The following TARP variants were observed in gnomAD, a reference collection of about 807,000 sequenced individuals.
chr7:38,262,286 A>G, the TARP span: 2 of 1,234,724 alleles, frequency 1.6e-6, no homozygotes, highest in Admixed American at 3.7e-5. Context: ...GAATATTTAT[A>G]AAACCTGTCG....
chr7:38,273,475 G>A, the TARP span: 5 of 900,600 alleles, frequency 5.6e-6, no homozygotes, highest in Non-Finnish European at 7.0e-6. Flanking sequence ...TGACCTCTCT[G>A]GAGATTTCAC....
chr7:38,264,278 C>T, the TARP span, among the ~76,000 whole-genome samples: 6 of 151,660 alleles, frequency 4.0e-5, no homozygotes, highest in African/African-American at 7.3e-5. Flanking sequence ...ACGTAGCTGC[C>T]TTGGGAAGCT....
At chr7:38,272,376 G>C in the TARP span, among the ~76,000 whole-genome samples, 1 of 147,908 alleles carries the variant, frequency 6.8e-6, no homozygotes, top group African/African-American at 2.5e-5. Flanking sequence ...TATCTTCTTT[G>C]TACAGATCAA....
At chr7:38,262,796 A>G in the TARP span, among the ~76,000 whole-genome samples, 1 of 151,260 alleles carries the variant, frequency 6.6e-6, no homozygotes, top group Non-Finnish European at 1.5e-5. Context: ...CTGGGAGTAC[A>G]GGCACATGTC....
the TARP span, among the ~76,000 whole-genome samples, chr7:38,262,722 C>T: frequency 4.6e-5 from 7 of 151,278 alleles, no homozygotes; most frequent in Admixed American, 3.3e-4. Context: ...GGTGTCATCA[C>T]GGCTCACTGA....
chr7:38,267,097 G>A, the TARP span, among the ~76,000 whole-genome samples: 1 of 151,616 alleles, frequency 6.6e-6, no homozygotes, highest in Admixed American at 6.6e-5. Context: ...GTGTAAATCA[G>A]TGTATCTATA....
At chr7:38,264,316 G>A in the TARP span, among the ~76,000 whole-genome samples, 1 of 151,754 alleles carries the variant, frequency 6.6e-6, no homozygotes, top group Non-Finnish European at 1.5e-5. Context: ...TTTTAGGCTG[G>A]GCACAGTGGC....
At chr7:38,271,630 C>G in the TARP span, among the ~76,000 whole-genome samples, 3 of 151,082 alleles carry the variant, frequency 2.0e-5, no homozygotes, top group Admixed American at 1.3e-4. Flanking sequence ...CTTCATACAA[C>G]TGTAGAATAA....
the TARP span, chr7:38,260,064 A>G: frequency 3.3e-6 from 5 of 1,499,712 alleles, no homozygotes; most frequent in East Asian, 1.2e-4. Flanking sequence ...TGAGGAAAAG[A>G]TGGCCTCCTT....
the TARP span, chr7:38,265,318 G>A: frequency 1.3e-6 from 2 of 1,521,044 alleles, no homozygotes; most frequent in South Asian, 1.2e-5. Context: ...TCAAAGAAGT[G>A]TTCTGACAGA....
At chr7:38,273,466 GA>G in the TARP span, 1 of 814,442 alleles carries the variant, frequency 1.2e-6, no homozygotes, top group East Asian at 2.6e-5. Flanking sequence ...CAAGTCACCT[GA>G]CCTCTCTGGA....
chr7:38,264,059 C>T, the TARP span, among the ~76,000 whole-genome samples: 20,998 of 125,522 alleles, frequency 0.17, no homozygotes, highest in African/African-American at 0.35. Context: ...ATAAAATCTT[C>T]AAGTGTATCC....
the TARP span, chr7:38,265,454 T>A: frequency 1.2e-6 from 2 of 1,611,770 alleles, no homozygotes; most frequent in Non-Finnish European, 1.7e-6. Flanking sequence ...TCTGGCACCG[T>A]TAACCAGCTA....
the TARP span, chr7:38,269,424 T>C: frequency 2.8e-6 from 2 of 703,826 alleles, no homozygotes; most frequent in Non-Finnish European, 2.6e-6. Flanking sequence ...TATTACATTA[T>C]TCCAGTTTAA....
the TARP span, among the ~76,000 whole-genome samples, chr7:38,263,604 A>T: frequency 6.6e-6 from 1 of 151,500 alleles, no homozygotes; most frequent in African/African-American, 2.4e-5. Context: ...CAGTTCTCTC[A>T]ATAAAACCTG....
the TARP span, among the ~76,000 whole-genome samples, chr7:38,266,996 C>T: frequency 6.6e-6 from 1 of 151,742 alleles, no homozygotes; most frequent in South Asian, 2.1e-4. Flanking sequence ...TTTGGAATTT[C>T]ATTTGAAGTT....
chr7:38,270,401 T>C, the TARP span, among the ~76,000 whole-genome samples: 1 of 151,688 alleles, frequency 6.6e-6, no homozygotes, highest in Admixed American at 6.6e-5. Flanking sequence ...CTTTAATAGG[T>C]TATCCTTTGC....
At chr7:38,264,289 C>T in the TARP span, among the ~76,000 whole-genome samples, 5 of 151,698 alleles carry the variant, frequency 3.3e-5, no homozygotes, top group Non-Finnish European at 2.9e-5. Context: ...TTGGGAAGCT[C>T]ATGAAAGACA....
chr7:38,263,291 A>C, the TARP span, among the ~76,000 whole-genome samples: 761 of 152,054 alleles, frequency 5.0e-3, no homozygotes, highest in African/African-American at 0.017. Flanking sequence ...GAGGAAATAA[A>C]GTTTAAAAAG....
Sources: allele counts gnomAD v4.1 joint callset (sites outside exome capture counted in the v4.1 genomes callset), GRCh38; gene constraint gnomAD v4.1.1; transcripts MANE v1.5.